Variants in SVOPL observed in about 807,000 individuals in gnomAD.
SVOPL encodes putative transporter SVOPL.
In SVOPL, 60 loss-of-function variants were observed where a neutral mutation model predicts 61.0. The observed-to-expected ratio is 0.98, with a 90% CI of 0.80 to 1.22. SVOPL has a LOEUF of 1.22. SVOPL is among the 50% of genes most tolerant of loss of function. SVOPL has a pLI of 0.00. For synonymous variants in SVOPL, 279 were observed against 250.0 expected (o/e 1.12, Z -1.09); for missense variants, 662 against 643.9 (o/e 1.03, Z -0.30).
At chr7:138,609,719 T>TG (rs755165258) in intron 14 of SVOPL, among the ~76,000 whole-genome samples, 6,607 of 54,908 alleles carry the variant, frequency 0.12, 395 homozygotes, top group East Asian at 0.52. Context: ...GTTTTTTTTT[T>TG]GGGGGGGGTG....
chr7:138,643,694 A>G (rs1413128416), intron 9 of SVOPL, among the ~76,000 whole-genome samples: 1 of 150,448 alleles, frequency 6.6e-6, no homozygotes, highest in African/African-American at 2.5e-5. Context: ...CGTGTGAGGG[A>G]TCTAGAATAG....
chr7:138,629,125 ATATGTGTG>A (rs1218026793), intron 10 of SVOPL, among the ~76,000 whole-genome samples: 15 of 64,254 alleles, frequency 2.3e-4, no homozygotes, highest in African/African-American at 1.2e-3. Flanking sequence ...CATGTTTTAT[ATATGTGTG>A]TGTGTGTGTG....
chr7:138,613,807 CA>C (rs1563089463), intron 14 of SVOPL, among the ~76,000 whole-genome samples: 4 of 152,118 alleles, frequency 2.6e-5, no homozygotes, highest in African/African-American at 9.7e-5. Context: ...AACAGGTTCT[CA>C]AAAAACCCAA....
At chr7:138,597,040 C>A in intron 14 of SVOPL, 3 of 1,156,846 alleles carry the variant, frequency 2.6e-6, no homozygotes, top group Non-Finnish European at 3.2e-6. Context: ...AGTTGTGTGA[C>A]ACCAAAACTC....
At chr7:138,604,610 A>G (rs553535256) in intron 14 of SVOPL, among the ~76,000 whole-genome samples, 1 of 146,928 alleles carries the variant, frequency 6.8e-6, no homozygotes, top group African/African-American at 2.5e-5. Flanking sequence ...CCTGGGAGGC[A>G]GAGGTTGCAG....
At chr7:138,596,295 C>A in intron 15 of SVOPL, 122 bp downstream of exon 15, 2 of 782,466 alleles carry the variant, frequency 2.6e-6, no homozygotes, top group Non-Finnish European at 3.9e-6. Context: ...TACAACTTTA[C>A]AGAAAGAAAT....
chr7:138,655,669 G>A (rs1048691203), intron 7 of SVOPL, among the ~76,000 whole-genome samples: 15 of 148,346 alleles, frequency 1.0e-4, no homozygotes, highest in Middle Eastern at 3.3e-3. Context: ...ATATATTTAC[G>A]TATAATTTAC....
chr7:138,629,926 C>T lies in SVOPL; in HGVS notation c.863+123G>A, dbSNP rs1314034912. 148 of 726,644 alleles carry T rather than the reference C, an allele frequency of 2.0e-4. 1 individual carries two copies. In the East Asian group the frequency reaches 3.6e-3, roughly 18 times the overall value. 45.0% of individuals were successfully genotyped at this position (726,644 alleles called of 1,614,324 possible). A position where few individuals can be genotyped will look rare whatever the true frequency, so the allele number is the denominator to read the frequency against. On this transcript the variant is annotated intron_variant, in intron 10 of 15. Transcript: ENST00000674285. ...TGTAGAAAGACAAAACATTGCTTGT[C>T]TTTGTAGTATTTGGAGTTAGTCTTA...
intron 14 of SVOPL, among the ~76,000 whole-genome samples, chr7:138,601,460 G>GA (rs1267469345): frequency 6.6e-6 from 1 of 151,716 alleles, no homozygotes. Context: ...GCAACAACAT[G>GA]AATGAGCCTA....
In SVOPL at chr7:138,621,806, CTATCTATG is replaced by C. The variant is rs772687135; in HGVS notation, c.1264-679_1264-672del. Among the ~76,000 whole-genome samples, 889 of 126,076 alleles carry C rather than the reference CTATCTATG, an allele frequency of 7.1e-3. 61 individuals are homozygous for C. The highest frequency in any genetic ancestry group is 9.5e-3 in the Non-Finnish European group (559 of 58,770). The allele number at this position is 126,076 out of a possible 152,430, so 82.7% of individuals were successfully genotyped here. ...TCTATCTATCTATCTATCTATGTAT[CTATCTATG>C]TATCTATGTATCTATGTATCTATCT... On this transcript the variant is annotated intron_variant, in intron 13 of 15. Transcript: ENST00000674285.
At chr7:138,689,318 C>T (rs1802887386) in intron 1 of SVOPL, 3 of 1,592,044 alleles carry the variant, frequency 1.9e-6, no homozygotes, top group Non-Finnish European at 2.6e-6. Flanking sequence ...ATTCTCTGGT[C>T]ATTGAGCATA....
intron 7 of SVOPL, among the ~76,000 whole-genome samples, chr7:138,650,254 A>G (rs926152445): frequency 8.5e-5 from 13 of 152,180 alleles, no homozygotes; most frequent in African/African-American, 3.1e-4. Flanking sequence ...TGAAGGTCTA[A>G]TAATAGAGGG....
Position 138,594,633 on chromosome 7 carries a change from T to G in SVOPL, c.1468-12A>C, listed in dbSNP as rs769976560. On this transcript the variant is annotated splice_polypyrimidine_tract_variant and intron_variant, in intron 15 of 15. Transcript: ENST00000674285. ...CTTCATTTAATTTGCTGGAAGAAAG[T>G]TATTTAATAGATCAGTAATAGACTT... 1 of 1,592,924 alleles carries G rather than the reference T, an allele frequency of 6.3e-7. No homozygotes were observed.
intron 6 of SVOPL, among the ~76,000 whole-genome samples, chr7:138,659,036 G>T (rs1480036919): frequency 6.6e-6 from 1 of 151,980 alleles, no homozygotes; most frequent in Non-Finnish European, 1.5e-5. Context: ...TAGCATCAAC[G>T]CAGACCTTAA....
chr7:138,663,059 T>G lies in SVOPL; in HGVS notation c.345+15A>C. 1 of 1,614,114 alleles carries G rather than the reference T, an allele frequency of 6.2e-7. No individual in the cohort carries two copies. Among genetic ancestry groups the G allele is most frequent in the East Asian group, 2.2e-5 (1 of 44,886 alleles). On this transcript the variant is annotated intron_variant, in intron 5 of 15. Coordinates refer to ENST00000674285, the MANE Select transcript of SVOPL (RefSeq NM_001139456.2). ...CAAAAGACAATTCCAAATGCTACTG[T>G]GAGGCCCCACCTACCTTCCAGCGGC...
chr7:138,668,356 T>C (rs1048998195), intron 4 of SVOPL, among the ~76,000 whole-genome samples: 2 of 152,140 alleles, frequency 1.3e-5, no homozygotes, highest in Non-Finnish European at 2.9e-5. Flanking sequence ...TCCTTCTCTA[T>C]TGCAATTCCC....
chr7:138,695,458 G>C (rs1803044978), intron 1 of SVOPL, among the ~76,000 whole-genome samples: 1 of 152,192 alleles, frequency 6.6e-6, no homozygotes, highest in South Asian at 2.1e-4. Context: ...GCTGCAGTTA[G>C]CCATGATCAT....
intron 1 of SVOPL, among the ~76,000 whole-genome samples, chr7:138,681,754 C>T (rs945808678): frequency 5.9e-5 from 9 of 152,054 alleles, no homozygotes; most frequent in South Asian, 4.1e-4. Context: ...ACCCAGGAGG[C>T]GGAGGTTGCA....
At chr7:138,646,846 G>A (rs1801139852) in intron 8 of SVOPL, among the ~76,000 whole-genome samples, 1 of 152,144 alleles carries the variant, frequency 6.6e-6, no homozygotes, top group Non-Finnish European at 1.5e-5. Context: ...TACACCAACA[G>A]AGGCAGACAA....
Sources: gnomAD v4.1 joint callset for allele counts (sites outside exome capture counted in the v4.1 genomes callset) on GRCh38, gnomAD v4.1.1 for gene constraint, MANE v1.5 for transcripts, NCBI Gene and HGNC (gene_info 2026-07-23, HGNC 2026-07-21) for gene names.